Variants in CDYL2 observed in about 807,000 individuals in gnomAD.
CDYL2 encodes chromodomain Y-like protein 2.
In CDYL2, 23 loss-of-function variants were observed where a neutral mutation model predicts 49.4. The observed-to-expected ratio is 0.47, with a 90% CI of 0.34 to 0.66. The LOEUF is 0.66. CDYL2 is among the 30% of genes least tolerant of loss of function. The pLI, the probability that CDYL2 is intolerant of heterozygous loss-of-function variation, is 0.01. For missense variants in CDYL2, 678 were observed against 656.4 expected (o/e 1.03, Z -0.36); for synonymous variants, 360 against 268.8 (o/e 1.34, Z -3.32).
At chr16:80,648,306 T>C (rs577355572) in intron 2 of CDYL2, among the ~76,000 whole-genome samples, 1 of 151,888 alleles carries the variant, frequency 6.6e-6, no homozygotes, top group East Asian at 1.9e-4. Flanking sequence ...ATAACAGAGA[T>C]GAAAATGGAG....
At chr16:80,752,062 T>C (rs985545153) in intron 1 of CDYL2, among the ~76,000 whole-genome samples, 1 of 152,166 alleles carries the variant, frequency 6.6e-6, no homozygotes, top group East Asian at 1.9e-4. Context: ...ATATAACCTT[T>C]AAAATAACTG....
Position 80,601,769 on chromosome 16 carries a change from C to A in CDYL2, c.*2619G>T, listed in dbSNP as rs959012149. 2 of 152,194 alleles carry A rather than the reference C, an allele frequency of 1.3e-5. No individual in the cohort carries two copies. The highest frequency in any genetic ancestry group is 4.8e-5 in the African/African-American group (2 of 41,460). 9.4% of individuals were successfully genotyped at this position (152,194 alleles called of 1,614,324 possible). A position where few individuals can be genotyped will look rare whatever the true frequency, so the allele number is the denominator to read the frequency against. ...ATTGGTGGAACTGACTGTATGGAAACAACCAAAATACAGACTTTCACCACC... is the reference window on the plus strand; with the variant it reads ...ATTGGTGGAACTGACTGTATGGAAAAAACCAAAATACAGACTTTCACCACC... On this transcript the variant is annotated 3_prime_UTR_variant, in exon 7 of 7. Coordinates refer to ENST00000570137, the MANE Select transcript of CDYL2 (RefSeq NM_152342.4).
chr16:80,797,832 T>C (rs1907811906), intron 1 of CDYL2, among the ~76,000 whole-genome samples: 1 of 152,226 alleles, frequency 6.6e-6, no homozygotes, highest in Non-Finnish European at 1.5e-5. Context: ...GTTTCAATTA[T>C]TGAAACAGCA....
chr16:80,722,352 T>C (rs1905025464), intron 1 of CDYL2, among the ~76,000 whole-genome samples: 1 of 152,110 alleles, frequency 6.6e-6, no homozygotes, highest in African/African-American at 2.4e-5. Context: ...GTACATAAAA[T>C]AACAGAGCAT....
chr16:80,702,834 G>T (rs780353035), intron 1 of CDYL2, among the ~76,000 whole-genome samples: 2 of 152,168 alleles, frequency 1.3e-5, no homozygotes, highest in South Asian at 4.1e-4. Context: ...AGCCAGCACT[G>T]CACGCCAGAA....
At chr16:80,723,049 G>A (rs1439706145) in intron 1 of CDYL2, among the ~76,000 whole-genome samples, 1 of 152,226 alleles carries the variant, frequency 6.6e-6, no homozygotes, top group African/African-American at 2.4e-5. Flanking sequence ...CCTCTGAACT[G>A]CCACACTCGG....
At chr16:80,629,043 G>C (rs1352782157) in intron 3 of CDYL2, among the ~76,000 whole-genome samples, 2 of 152,180 alleles carry the variant, frequency 1.3e-5, no homozygotes, top group African/African-American at 4.8e-5. Context: ...AAGCAAACCA[G>C]GTGACTGAGG....
Position 80,677,465 on chromosome 16 carries a change from G to A in CDYL2, c.616+7073C>T, listed in dbSNP as rs186788680. Among the ~76,000 whole-genome samples the A allele has an allele frequency of 1.1e-4, 16 of 152,254 alleles. No homozygotes were observed. The East Asian group carries it at 2.3e-3, about 22-fold the overall frequency. ...ATAAACAAGGAGGTGTCGGCCAGGC[G>A]CAGTGGCGCACGCCTGGAATCCCAG... is the stretch of plus-strand genomic sequence containing the variant. On this transcript the variant is annotated intron_variant, in intron 2 of 6. Transcript: ENST00000570137.
chr16:80,693,991 A>C (rs1910521600), intron 1 of CDYL2, among the ~76,000 whole-genome samples: 1 of 152,234 alleles, frequency 6.6e-6, no homozygotes, highest in Non-Finnish European at 1.5e-5. Context: ...TTAATTGGAC[A>C]AAATAAAGAC....
intron 1 of CDYL2, among the ~76,000 whole-genome samples, chr16:80,690,995 T>C (rs1357525791): frequency 6.6e-6 from 1 of 152,090 alleles, no homozygotes; most frequent in East Asian, 1.9e-4. Context: ...CACATGGCAC[T>C]GGATTGAGAA....
chr16:80,696,668 A>C (rs1910624311), intron 1 of CDYL2, among the ~76,000 whole-genome samples: 1 of 152,048 alleles, frequency 6.6e-6, no homozygotes, highest in Admixed American at 6.5e-5. Context: ...TACAAAATAG[A>C]AATAGGAAAC....
At chr16:80,637,175 A>G (rs1336510568) in intron 2 of CDYL2, among the ~76,000 whole-genome samples, 2 of 151,904 alleles carry the variant, frequency 1.3e-5, no homozygotes, top group Middle Eastern at 3.2e-3. Flanking sequence ...CACGTTCTGT[A>G]TATGTATACA....
chr16:80,756,755 A>T (rs1180741818), intron 1 of CDYL2, among the ~76,000 whole-genome samples: 1 of 152,148 alleles, frequency 6.6e-6, no homozygotes, highest in Non-Finnish European at 1.5e-5. Flanking sequence ...AAATTAAATA[A>T]AATATTTTTA....
intron 1 of CDYL2, among the ~76,000 whole-genome samples, chr16:80,699,529 G>A (rs1488392840): frequency 2.8e-5 from 4 of 141,046 alleles, no homozygotes; most frequent in Non-Finnish European, 4.8e-5. Flanking sequence ...CACGAACAGA[G>A]GATAGGGAGA....
chr16:80,799,797 T>C (rs761232798), intron 1 of CDYL2, among the ~76,000 whole-genome samples: 36 of 152,188 alleles, frequency 2.4e-4, no homozygotes, highest in Non-Finnish European at 5.0e-4. Context: ...GGTGGGAGAA[T>C]CATATACTCA....
At chr16:80,776,208 T>C (rs192046651) in intron 1 of CDYL2, among the ~76,000 whole-genome samples, 10 of 152,300 alleles carry the variant, frequency 6.6e-5, no homozygotes, top group Admixed American at 4.6e-4. Flanking sequence ...GCAGTTTCTC[T>C]GTCAATTTTC....
chr16:80,761,292 T>C (rs1409633709), intron 1 of CDYL2, among the ~76,000 whole-genome samples: 1 of 152,232 alleles, frequency 6.6e-6, no homozygotes, highest in Non-Finnish European at 1.5e-5. Context: ...AATCTATCAC[T>C]GAGGACCTGT....
At chr16:80,722,435 T>C (rs968455283) in intron 1 of CDYL2, among the ~76,000 whole-genome samples, 3 of 152,196 alleles carry the variant, frequency 2.0e-5, no homozygotes, top group African/African-American at 7.2e-5. Context: ...ACCCAGGAAC[T>C]CACCCTGATC....
intron 1 of CDYL2, among the ~76,000 whole-genome samples, chr16:80,787,668 G>A (rs7204972): frequency 2.3e-4 from 35 of 151,870 alleles, no homozygotes; most frequent in South Asian, 2.1e-4. Flanking sequence ...CTCTATTCCC[G>A]TTGAGTTCCT....
Sources: gnomAD v4.1 joint callset for allele counts (sites outside exome capture counted in the v4.1 genomes callset) on GRCh38, gnomAD v4.1.1 for gene constraint, MANE v1.5 for transcripts, NCBI Gene and HGNC (gene_info 2026-07-23, HGNC 2026-07-21) for gene names.